LINGO2: variants seen among roughly 807,000 people sequenced by gnomAD.
The protein encoded by LINGO2 is leucine-rich repeat and immunoglobulin-like domain-containing nogo receptor-interacting protein 2.
LINGO2 carries 14 observed loss-of-function variants against 30.6 expected under a neutral mutation model. The observed-to-expected ratio is 0.46, with a 90% CI of 0.30 to 0.72. LINGO2 has a LOEUF of 0.72. Among genes scored for constraint, LINGO2 ranks in the 30% least tolerant of loss-of-function variants. The pLI, the probability that LINGO2 is intolerant of heterozygous loss-of-function variation, is 0.07. For missense variants in LINGO2, 729 were observed against 751.7 expected, an observed-to-expected ratio of 0.97 and a Z score of 0.35; for synonymous variants, 317 against 288.5, an observed-to-expected ratio of 1.10 and a Z score of -1.00.
chr9:27,986,669 G>C (rs758364857), intron 5 of LINGO2, among the ~76,000 whole-genome samples: 1 of 151,858 alleles, frequency 6.6e-6, no homozygotes, highest in Non-Finnish European at 1.5e-5. Flanking sequence ...ATCATGGCTG[G>C]AGTATCAGGG....
chr9:29,107,791 A>G, the LINGO2 span, among the ~76,000 whole-genome samples: 1 of 152,164 alleles, frequency 6.6e-6, no homozygotes, highest in East Asian at 1.9e-4. Flanking sequence ...AATCATTGCA[A>G]TGTCTCTCTT....
the LINGO2 span, among the ~76,000 whole-genome samples, chr9:29,155,298 A>T: frequency 3.9e-5 from 6 of 152,128 alleles, no homozygotes. Flanking sequence ...AAATCTCCAG[A>T]ACATATTTAA....
At chr9:28,623,753 G>C (rs963110379) in intron 1 of LINGO2, among the ~76,000 whole-genome samples, 2 of 151,842 alleles carry the variant, frequency 1.3e-5, no homozygotes, top group Non-Finnish European at 1.5e-5. Flanking sequence ...TATTTTGATA[G>C]GAATTGCATT....
At chr9:29,089,574 C>T in the LINGO2 span, among the ~76,000 whole-genome samples, 1 of 152,050 alleles carries the variant, frequency 6.6e-6, no homozygotes, top group Non-Finnish European at 1.5e-5. Flanking sequence ...CTCTCATTCT[C>T]CCATCTGCTT....
the LINGO2 span, among the ~76,000 whole-genome samples, chr9:28,936,409 A>G: frequency 2.0e-5 from 3 of 152,340 alleles, no homozygotes; most frequent in South Asian, 4.1e-4. Context: ...TCCTGACTCA[A>G]ATGGATACAA....
the LINGO2 span, among the ~76,000 whole-genome samples, chr9:28,745,747 G>C: frequency 3.3e-5 from 5 of 151,926 alleles, no homozygotes; most frequent in Admixed American, 6.6e-5. Context: ...TAAGTAACTT[G>C]TTAAAGTTCA....
intron 4 of LINGO2, among the ~76,000 whole-genome samples, chr9:28,090,294 C>T (rs1826040590): frequency 6.6e-6 from 1 of 152,124 alleles, no homozygotes; most frequent in Non-Finnish European, 1.5e-5. Flanking sequence ...CCTTGATGAA[C>T]ATCGATGCAA....
chr9:28,389,434 C>T (rs1263523577), intron 2 of LINGO2, among the ~76,000 whole-genome samples: 1 of 152,158 alleles, frequency 6.6e-6, no homozygotes, highest in Admixed American at 6.6e-5. Flanking sequence ...CATAAACATT[C>T]TTCAACTCTC....
At chr9:28,144,489 G>C (rs1587075561) in intron 4 of LINGO2, among the ~76,000 whole-genome samples, 1 of 152,308 alleles carries the variant, frequency 6.6e-6, no homozygotes, top group East Asian at 1.9e-4. Context: ...TACATCCACA[G>C]ACAACATTCA....
At chr9:28,041,732 C>T (rs932581218) in intron 4 of LINGO2, among the ~76,000 whole-genome samples, 3 of 152,182 alleles carry the variant, frequency 2.0e-5, no homozygotes, top group African/African-American at 7.2e-5. Context: ...TTCAGGACCA[C>T]ACATATTGTT....
At chr9:28,205,945 G>T (rs1296339035) in intron 4 of LINGO2, among the ~76,000 whole-genome samples, 1 of 151,952 alleles carries the variant, frequency 6.6e-6, no homozygotes, top group African/African-American at 2.4e-5. Flanking sequence ...CACTTTGGGA[G>T]GCCGAAGTGG....
At position 28,148,333 on chromosome 9, in the gene LINGO2, A is replaced by G; in HGVS notation, c.-86-135928T>C. ...CTGCTCACAACTCCAGGATGTTTGG[A>G]CACCTCAGCCCCGTGAGGATTCCTC... is the stretch of plus-strand genomic sequence containing the variant. On this transcript the variant is annotated intron_variant, in intron 4 of 5. Transcript: ENST00000379992. The surrounding 1 kb of genome is among the most constrained non-coding windows in gnomAD (Gnocchi z 5.1). 1.1e-6 allele frequency: 1 copy of G among 907,580 alleles called. No individual in the cohort carries two copies. Among genetic ancestry groups the G allele is most frequent in the South Asian group, 1.4e-5 (1 of 71,454 alleles). The allele number at this position is 907,580 out of a possible 1,614,324, so 56.2% of individuals were successfully genotyped here. A position where few individuals can be genotyped will look rare whatever the true frequency, so the allele number is the denominator to read the frequency against.
At chr9:28,424,744 A>C (rs892303276) in intron 2 of LINGO2, among the ~76,000 whole-genome samples, 3 of 152,080 alleles carry the variant, frequency 2.0e-5, no homozygotes, top group African/African-American at 7.2e-5. Flanking sequence ...TTTCTCTTTT[A>C]TACTCTGTTT....
chr9:28,134,637 G>A (rs1827466616), intron 4 of LINGO2, among the ~76,000 whole-genome samples: 1 of 152,212 alleles, frequency 6.6e-6, no homozygotes, highest in Admixed American at 6.5e-5. Flanking sequence ...AAATGTGAAA[G>A]TTAAAGCTGC....
the LINGO2 span, among the ~76,000 whole-genome samples, chr9:28,964,838 A>G: frequency 6.6e-6 from 1 of 151,968 alleles, no homozygotes; most frequent in Non-Finnish European, 1.5e-5. Flanking sequence ...TTTAGTATAC[A>G]TGCCTATGAA....
the LINGO2 span, among the ~76,000 whole-genome samples, chr9:28,776,358 T>A: frequency 6.6e-6 from 1 of 152,198 alleles, no homozygotes; most frequent in Non-Finnish European, 1.5e-5. Context: ...TACAGACATT[T>A]TGAATCAAAA....
intron 1 of LINGO2, among the ~76,000 whole-genome samples, chr9:28,593,965 C>T (rs190025450): frequency 7.1e-4 from 108 of 151,864 alleles, no homozygotes; most frequent in Middle Eastern, 3.4e-3. Flanking sequence ...ATTAGCATGG[C>T]TTCTGTTAAC....
chr9:28,953,260 AT>A, the LINGO2 span, among the ~76,000 whole-genome samples: 1 of 152,166 alleles, frequency 6.6e-6, no homozygotes, highest in Non-Finnish European at 1.5e-5. Flanking sequence ...GGGAACTTGA[AT>A]TAAGGTAAAT....
At chr9:28,203,761 GC>G (rs1306576896) in intron 4 of LINGO2, among the ~76,000 whole-genome samples, 1 of 152,134 alleles carries the variant, frequency 6.6e-6, no homozygotes, top group East Asian at 1.9e-4. Flanking sequence ...CTTGTTTTGA[GC>G]TTCCTGGAAA....
Sources: allele counts gnomAD v4.1 joint callset (sites outside exome capture counted in the v4.1 genomes callset), GRCh38; gene constraint gnomAD v4.1.1; non-coding constraint Gnocchi (gnomAD v3.1); transcripts MANE v1.5; gene names NCBI Gene and HGNC (gene_info 2026-07-23, HGNC 2026-07-21).